ASPH: variants seen among roughly 807,000 people sequenced by gnomAD.
The protein encoded by ASPH is aspartyl/asparaginyl beta-hydroxylase.
ASPH carries 100 observed loss-of-function variants against 118.4 expected under a neutral mutation model. That is an observed-to-expected ratio of 0.84 (90% CI 0.72 to 1.00). The LOEUF (loss-of-function observed/expected upper bound fraction) is 1.00, where lower values mean the gene tolerates loss of function less well. ASPH is among the 50% of genes least tolerant of loss of function. ASPH has a pLI of 0.00. For missense variants in ASPH, 920 were observed against 919.5 expected (o/e 1.00, Z -0.01); for synonymous variants, 315 against 325.6 (o/e 0.97, Z 0.35).
intron 15 of ASPH, among the ~76,000 whole-genome samples, chr8:61,581,008 C>G (rs1319813294): frequency 6.6e-6 from 1 of 152,192 alleles, no homozygotes; most frequent in Non-Finnish European, 1.5e-5. Context: ...GCTAAATGTA[C>G]TAATATCAGA....
At chr8:61,625,036 G>C (rs1397328996) in intron 13 of ASPH, 2 of 985,472 alleles carry the variant, frequency 2.0e-6, no homozygotes, top group Non-Finnish European at 2.4e-6. Context: ...TAAAAGCAGG[G>C]GGAAAAAGTC....
chr8:61,698,852 T>C (rs1834567573), intron 1 of ASPH, among the ~76,000 whole-genome samples: 1 of 152,166 alleles, frequency 6.6e-6, no homozygotes, highest in Non-Finnish European at 1.5e-5. Flanking sequence ...TCTTACTAAA[T>C]AAATTAATAA....
At chr8:61,623,570 C>T (rs1390512691) in intron 13 of ASPH, 4 of 152,058 alleles carry the variant, frequency 2.6e-5, no homozygotes, top group African/African-American at 4.8e-5. Context: ...TCCATTTTTG[C>T]TTTGGTTGCC....
chr8:61,503,336 T>G lies in ASPH; in HGVS notation c.*23A>C. ...AGAAAGGCAGCCTCTCTCCAGAGTT[T>G]CCCAAGCTTGCATGAATTCATGCTA... is the stretch of plus-strand genomic sequence containing the variant. On this transcript the variant is annotated 3_prime_UTR_variant, in exon 25 of 25. Coordinates refer to ENST00000379454, the MANE Select transcript of ASPH (RefSeq NM_004318.4). 1 of 1,592,628 alleles carries G rather than the reference T, an allele frequency of 6.3e-7. No individual in the cohort carries two copies. The highest frequency in any genetic ancestry group is 8.6e-7 in the Non-Finnish European group (1 of 1,166,220).
chr8:61,632,703 C>A, intron 13 of ASPH: 1 of 479,582 alleles, frequency 2.1e-6, no homozygotes, highest in Admixed American at 2.2e-5. Context: ...CATGGCAGGA[C>A]AACTATCAAA....
chr8:61,531,999 C>T (rs772396270), intron 21 of ASPH, among the ~76,000 whole-genome samples: 61 of 152,058 alleles, frequency 4.0e-4, no homozygotes, highest in Non-Finnish European at 8.1e-4. Context: ...GTAATAAACA[C>T]GGGGGTGCAG....
intron 21 of ASPH, among the ~76,000 whole-genome samples, chr8:61,540,717 T>G (rs149866583): frequency 6.6e-6 from 1 of 152,290 alleles, no homozygotes; most frequent in Non-Finnish European, 1.5e-5. Context: ...ATGATGCATT[T>G]TACTGAGCAC....
intron 1 of ASPH, among the ~76,000 whole-genome samples, chr8:61,697,030 A>G (rs1367140745): frequency 6.6e-6 from 1 of 152,072 alleles, no homozygotes; most frequent in Non-Finnish European, 1.5e-5. Context: ...CCTCCTCCCC[A>G]CCAGTTCCCA....
intron 14 of ASPH, among the ~76,000 whole-genome samples, chr8:61,598,328 T>C (rs1333607741): frequency 1.3e-5 from 2 of 151,896 alleles, no homozygotes; most frequent in African/African-American, 2.4e-5. Flanking sequence ...TGCAGGCAAA[T>C]ACAAACCAAA....
intron 5 of ASPH, among the ~76,000 whole-genome samples, chr8:61,650,387 G>C (rs1021540741): frequency 6.6e-6 from 1 of 152,112 alleles, no homozygotes; most frequent in African/African-American, 2.4e-5. Flanking sequence ...CAAAGCATCA[G>C]GAGAATCAGG....
At chr8:61,644,531 T>C (rs1806876830) in intron 7 of ASPH, 69 bp downstream of exon 7, 3 of 1,095,508 alleles carry the variant, frequency 2.7e-6, no homozygotes, top group South Asian at 4.3e-5. Context: ...ATAGATATTA[T>C]GTATTTTATG....
At position 61,684,728 on chromosome 8, in the gene ASPH, G is replaced by A. The variant is rs1829739343; in HGVS notation, c.104-540C>T. On this transcript the variant is annotated intron_variant, in intron 1 of 24. Transcript: ENST00000379454. ...GTTGAGGCCTAAGGAAACAGGAAAA[G>A]GCTCATTCACAATTGGTCTCACTGC... is the stretch of plus-strand genomic sequence containing the variant. 2.0e-5 allele frequency: 3 copies of A among 152,332 alleles called. No individual in the cohort carries two copies. In the South Asian group the frequency reaches 6.2e-4, roughly 32 times the overall value. 9.4% of individuals were successfully genotyped at this position (152,332 alleles called of 1,614,324 possible).
chr8:61,565,056 T>A (rs1481645379), intron 17 of ASPH, among the ~76,000 whole-genome samples: 1 of 152,256 alleles, frequency 6.6e-6, no homozygotes, highest in Admixed American at 6.5e-5. Context: ...TTGCCTTTGG[T>A]ACTGGGAACC....
intron 22 of ASPH, among the ~76,000 whole-genome samples, chr8:61,524,245 T>A (rs1814355471): frequency 6.6e-6 from 1 of 152,192 alleles, no homozygotes; most frequent in Admixed American, 6.5e-5. Flanking sequence ...TATTACAGTG[T>A]AGGGAATACA....
chr8:61,679,833 T>C (rs1001416312), intron 3 of ASPH, among the ~76,000 whole-genome samples: 12 of 150,692 alleles, frequency 8.0e-5, no homozygotes, highest in African/African-American at 2.7e-4. Flanking sequence ...AACTCAAATA[T>C]AGATACACAA....
At chr8:61,669,929 G>A (rs1821563010) in intron 3 of ASPH, among the ~76,000 whole-genome samples, 1 of 152,130 alleles carries the variant, frequency 6.6e-6, no homozygotes, top group Admixed American at 6.5e-5. Context: ...AAACAGTGCT[G>A]TGCTTTATTT....
intron 4 of ASPH, 66 bp downstream of exon 4, chr8:61,653,502 G>C: frequency 6.8e-7 from 1 of 1,476,174 alleles, no homozygotes; most frequent in Non-Finnish European, 9.3e-7. Flanking sequence ...ACGTGATTCT[G>C]TAAATGCGGA....
intron 14 of ASPH, among the ~76,000 whole-genome samples, chr8:61,610,531 T>C (rs970443372): frequency 2.6e-5 from 4 of 152,234 alleles, no homozygotes; most frequent in African/African-American, 9.6e-5. Flanking sequence ...TGCTGGTGTA[T>C]TTTAGGAACC....
At chr8:61,542,244 G>T (rs1272064197) in intron 21 of ASPH, among the ~76,000 whole-genome samples, 1 of 152,134 alleles carries the variant, frequency 6.6e-6, no homozygotes, top group African/African-American at 2.4e-5. Flanking sequence ...GATAAAGTCT[G>T]CCATCTTGTT....
Sources: gnomAD v4.1 joint callset for allele counts (sites outside exome capture counted in the v4.1 genomes callset) on GRCh38, gnomAD v4.1.1 for gene constraint, MANE v1.5 for transcripts, NCBI Gene and HGNC (gene_info 2026-07-23, HGNC 2026-07-21) for gene names.